MME: variants seen among roughly 807,000 people sequenced by gnomAD.
MME encodes neprilysin.
A neutral mutation model predicts 113.2 loss-of-function variants in MME; 98 were observed. The ratio of observed to expected loss-of-function variants is 0.87; its 90% CI spans 0.74 to 1.02. MME has a LOEUF of 1.02. MME is among the 50% of genes least tolerant of loss of function. MME has a pLI of 0.00. For synonymous variants in MME, 292 were observed against 300.6 expected (o/e 0.97, Z 0.30); for missense variants, 836 against 896.0 (o/e 0.93, Z 0.86).
intron 1 of MME, among the ~76,000 whole-genome samples, chr3:155,059,277 A>AG (rs1714056541): frequency 6.7e-6 from 1 of 150,104 alleles, no homozygotes; most frequent in Non-Finnish European, 1.5e-5. Flanking sequence ...AAAAAAAAAA[A>AG]AAAAGGAAGG....
chr3:155,078,649 A>G (rs1394891020), upstream of MME, among the ~76,000 whole-genome samples: 2 of 130,788 alleles, frequency 1.5e-5, no homozygotes, highest in African/African-American at 2.9e-5. Flanking sequence ...GAGTGTGAAT[A>G]TGTGTGTGTA....
Position 155,142,330 on chromosome 3 carries a change from G to A in MME, c.1188G>A (p.Lys396=), listed in dbSNP as rs1721174222. The A allele has an allele frequency of 2.5e-6, 4 of 1,611,580 alleles. No individual in the cohort carries two copies. The highest frequency in any genetic ancestry group is 2.2e-5 in the South Asian group (2 of 91,016). The change falls in exon 12 of 23, where the codon AAG becomes AAA. Residue 396 remains lysine (K), a splice_region_variant and synonymous_variant. Transcript: ENST00000360490. The stretch of plus-strand genomic sequence containing the variant: ...AGGAGTCCAGAAATGCTTTCCGCAA[G>A]GTGAAGAAAAAATCTCTCTTTTCTT... ...TYKESRNAFR[K]ALYGTTSETA... is the part of the protein sequence containing the mutation.
At chr3:155,171,836 T>C (rs2108373678) in intron 20 of MME, among the ~76,000 whole-genome samples, 1 of 152,330 alleles carries the variant, frequency 6.6e-6, no homozygotes, top group South Asian at 2.1e-4. Context: ...TCATCACTTA[T>C]TTAGGTCATC....
intron 16 of MME, among the ~76,000 whole-genome samples, chr3:155,156,621 T>C (rs952618065): frequency 2.6e-5 from 4 of 152,166 alleles, no homozygotes; most frequent in African/African-American, 9.7e-5. Flanking sequence ...GTTTGAAAGA[T>C]GAATAAAAGT....
At chr3:155,081,698 C>G (rs138210899) in intron 1 of MME, 25 of 149,800 alleles carry the variant, frequency 1.7e-4, no homozygotes, top group African/African-American at 5.9e-4. Context: ...GTTGGATATT[C>G]AGGTATTTGG....
chr3:155,088,412 G>T (rs1329036166), intron 3 of MME, among the ~76,000 whole-genome samples: 1 of 152,130 alleles, frequency 6.6e-6, no homozygotes, highest in Non-Finnish European at 1.5e-5. Flanking sequence ...GGCTGGGCAC[G>T]GTGGCTCACG....
intron 1 of MME, among the ~76,000 whole-genome samples, chr3:155,027,413 T>C (rs1712823534): frequency 6.6e-6 from 1 of 152,230 alleles, no homozygotes; most frequent in African/African-American, 2.4e-5. Flanking sequence ...CCAATTTATC[T>C]TTCTAGTCCT....
chr3:155,173,286 C>T (rs751574429), intron 22 of MME, among the ~76,000 whole-genome samples: 56 of 151,588 alleles, frequency 3.7e-4, no homozygotes, highest in Admixed American at 5.9e-4. Context: ...TACTAGAACA[C>T]TTAGTCACTC....
At chr3:155,027,963 G>A (rs898994078) in intron 1 of MME, among the ~76,000 whole-genome samples, 3 of 151,674 alleles carry the variant, frequency 2.0e-5, no homozygotes, top group African/African-American at 7.3e-5. Context: ...GTACTTTTTT[G>A]CCTTGTATTA....
At chr3:155,085,900 A>G (rs1419153568) in intron 3 of MME, among the ~76,000 whole-genome samples, 2 of 152,228 alleles carry the variant, frequency 1.3e-5, no homozygotes, top group Non-Finnish European at 2.9e-5. Context: ...GGAATTCCAA[A>G]CACAAAAGAA....
chr3:155,125,072 T>C lies in MME; in HGVS notation c.720+6261T>C, dbSNP rs548798059. Among the ~76,000 whole-genome samples, 571 of 149,466 alleles carry C rather than the reference T, an allele frequency of 3.8e-3. 2 individuals carry two copies. The highest frequency in any genetic ancestry group is 0.013 in the African/African-American group (537 of 40,784). On this transcript the variant is annotated intron_variant, in intron 8 of 22. Coordinates refer to ENST00000360490, the MANE Select transcript of MME (RefSeq NM_007289.4). Reference sequence around the variant, plus strand: ...ACTGCTGTGCTAGCAATCAGCGAGATTCCGTGGGCGTAGGACCCTCCGAGC... The same window carrying C: ...ACTGCTGTGCTAGCAATCAGCGAGACTCCGTGGGCGTAGGACCCTCCGAGC...
At chr3:155,081,493 A>T (rs1715140537) in intron 1 of MME, 1 of 152,206 alleles carries the variant, frequency 6.6e-6, no homozygotes, top group Non-Finnish European at 1.5e-5. Context: ...CGTCTGTGGC[A>T]GTGTCCACTT....
intron 3 of MME, among the ~76,000 whole-genome samples, chr3:155,101,985 C>G (rs1017764637): frequency 6.6e-6 from 1 of 152,156 alleles, no homozygotes; most frequent in South Asian, 2.1e-4. Context: ...TTGTCCTTCA[C>G]CTATCAGCCA....
intron 3 of MME, among the ~76,000 whole-genome samples, chr3:155,099,073 G>A (rs1343368819): frequency 6.6e-6 from 1 of 152,194 alleles, no homozygotes; most frequent in East Asian, 1.9e-4. Flanking sequence ...CAGAAAACTA[G>A]TTTTGCTTTT....
At chr3:155,089,122 A>C (rs1281637055) in intron 3 of MME, among the ~76,000 whole-genome samples, 1 of 152,256 alleles carries the variant, frequency 6.6e-6, no homozygotes, top group African/African-American at 2.4e-5. Context: ...GTAATGCATC[A>C]GTATGAAAGA....
intron 16 of MME, among the ~76,000 whole-genome samples, chr3:155,151,581 G>A (rs1325654238): frequency 6.6e-6 from 1 of 152,074 alleles, no homozygotes; most frequent in Non-Finnish European, 1.5e-5. Flanking sequence ...TCTCCATGTA[G>A]ATGTCTTATT....
At position 155,115,140 on chromosome 3, in the gene MME, G is replaced by C. The variant is rs1159606725; in HGVS notation, c.343G>C (p.Glu115Gln). The C allele has an allele frequency of 6.2e-7, 1 of 1,614,086 alleles. No individual in the cohort carries two copies. Among genetic ancestry groups the C allele is most frequent in the Non-Finnish European group, 8.5e-7 (1 of 1,179,982 alleles). Residue 115 changes from glutamate (E) to glutamine (Q), a missense_variant, in exon 4 of 23, where the codon GAA becomes CAA. By Grantham distance (29) the Glu-to-Gln change is conservative. Transcript: ENST00000360490. Reference sequence around the variant, plus strand: ...CTTTGACATTTTAAGAGATGAACTAGAAGTCGTTTTGAAAGGTTAGTAGAG... The same window carrying C: ...CTTTGACATTTTAAGAGATGAACTACAAGTCGTTTTGAAAGGTTAGTAGAG... ...GNFDILRDEL[E>Q]VVLKDVLQEP...
At chr3:155,168,993 A>G (rs1295283091) in intron 20 of MME, 196 bp downstream of exon 20, 1 of 553,960 alleles carries the variant, frequency 1.8e-6, no homozygotes, top group African/African-American at 1.9e-5. Context: ...GACGGAGCTG[A>G]ACACTTAAGT....
intron 1 of MME, among the ~76,000 whole-genome samples, chr3:155,025,540 C>T (rs1294225589): frequency 6.7e-6 from 1 of 149,974 alleles, no homozygotes; most frequent in African/African-American, 2.5e-5. Context: ...AGGAGAATCA[C>T]TTGAACCCAG....
Sources: gnomAD v4.1 joint callset for allele counts (sites outside exome capture counted in the v4.1 genomes callset) on GRCh38, gnomAD v4.1.1 for gene constraint, MANE v1.5 for transcripts, NCBI Gene and HGNC (gene_info 2026-07-23, HGNC 2026-07-21) for gene names.